The following SYNPO2 variants were observed in gnomAD, a reference collection of about 807,000 sequenced individuals.
SYNPO2 encodes the protein synaptopodin 2.
In SYNPO2, 56 loss-of-function variants were observed where a neutral mutation model predicts 85.0. The ratio of observed to expected loss-of-function variants is 0.66; its 90% CI spans 0.53 to 0.82. The LOEUF is 0.82. Ranked by LOEUF, SYNPO2 falls within the 40% of genes least tolerant of loss-of-function variation. SYNPO2 has a pLI of 0.00. For missense variants in SYNPO2, 1,575 were observed against 1,534.2 expected (o/e 1.03, Z -0.44); for synonymous variants, 602 against 591.1 (o/e 1.02, Z -0.27).
chr4:119,033,039 A>T, intron 4 of SYNPO2: 1 of 983,250 alleles, frequency 1.0e-6, no homozygotes, highest in Non-Finnish European at 1.2e-6. Flanking sequence ...AGTATACAGG[A>T]TAACGAAGTA....
chr4:118,960,635 C>T (rs148671029), intron 1 of SYNPO2, among the ~76,000 whole-genome samples: 1,533 of 152,176 alleles, frequency 0.01, 23 homozygotes, highest in African/African-American at 0.034. Flanking sequence ...TGGACATCTC[C>T]GCTTGAATAT....
At chr4:118,887,941 T>C (rs1382744169), upstream of SYNPO2, among the ~76,000 whole-genome samples, 1 of 152,232 alleles carries the variant, frequency 6.6e-6, no homozygotes, top group African/African-American at 2.4e-5. Flanking sequence ...AAAACAAAAG[T>C]ATTATAGGAA....
At position 119,058,111 on chromosome 4, in the gene SYNPO2, TACAC is replaced by T. The variant is rs113611459; in HGVS notation, c.*193_*196del. 5.9e-3 allele frequency: 2,600 copies of T among 440,404 alleles called. 9 individuals are homozygous for T. Among genetic ancestry groups the T allele is most frequent in the African/African-American group, 0.02 (980 of 48,558 alleles). 27.3% of individuals were successfully genotyped at this position (440,404 alleles called of 1,614,324 possible). A position where few individuals can be genotyped will look rare whatever the true frequency, so the allele number is the denominator to read the frequency against. ...GTGTGTGTGTGTATGTATGTGAATATACACACACACACACACACAGGTGAGTGTG... is the reference window on the plus strand; with the variant it reads ...GTGTGTGTGTGTATGTATGTGAATATACACACACACACACAGGTGAGTGTG... On this transcript the variant is annotated 3_prime_UTR_variant, in exon 5 of 5. Coordinates refer to ENST00000307142, the MANE Select transcript of SYNPO2 (RefSeq NM_133477.3).
chr4:119,047,224 C>T (rs1422533551), intron 4 of SYNPO2, among the ~76,000 whole-genome samples: 2 of 152,164 alleles, frequency 1.3e-5, no homozygotes, highest in Non-Finnish European at 1.5e-5. Flanking sequence ...CCATGCCCGA[C>T]TAATTTTGTA....
intron 1 of SYNPO2, among the ~76,000 whole-genome samples, chr4:119,014,964 GT>G (rs1737472186): frequency 6.6e-6 from 1 of 152,158 alleles, no homozygotes; most frequent in Non-Finnish European, 1.5e-5. Context: ...TACAGTAAAT[GT>G]TCAGTGCAGT....
chr4:118,977,554 G>A (rs1419127367), intron 1 of SYNPO2, among the ~76,000 whole-genome samples: 3 of 152,240 alleles, frequency 2.0e-5, no homozygotes, highest in African/African-American at 7.2e-5. Flanking sequence ...CCCAGGCAGG[G>A]GAGGTGCCGA....
At chr4:118,998,877 A>G (rs1736719601) in intron 1 of SYNPO2, among the ~76,000 whole-genome samples, 1 of 148,994 alleles carries the variant, frequency 6.7e-6, no homozygotes, top group African/African-American at 2.5e-5. Flanking sequence ...TCTCTCTCTT[A>G]CTCTGTTTTT....
At chr4:119,028,568 A>G (rs1007349577) in intron 3 of SYNPO2, among the ~76,000 whole-genome samples, 4 of 152,156 alleles carry the variant, frequency 2.6e-5, no homozygotes, top group South Asian at 2.1e-4. Flanking sequence ...TGTCAATTTA[A>G]TAAGTTGTAT....
intron 1 of SYNPO2, among the ~76,000 whole-genome samples, chr4:118,990,882 T>G (rs541008499): frequency 2.6e-5 from 4 of 152,156 alleles, no homozygotes; most frequent in South Asian, 4.2e-4. Flanking sequence ...AGTGCTGGGA[T>G]TACAGGTGTG....
At chr4:118,866,087 A>G (rs1350380820) in intron 1 of SYNPO2, among the ~76,000 whole-genome samples, 1 of 152,226 alleles carries the variant, frequency 6.6e-6, no homozygotes, top group Non-Finnish European at 1.5e-5. Context: ...AAAGTCAGGA[A>G]TAAGAATTAT....
At chr4:118,993,227 T>G (rs1736474596) in intron 1 of SYNPO2, among the ~76,000 whole-genome samples, 2 of 152,164 alleles carry the variant, frequency 1.3e-5, no homozygotes, top group Admixed American at 6.5e-5. Context: ...TTTGTGTGTG[T>G]TTGTGTGCAC....
intron 1 of SYNPO2, among the ~76,000 whole-genome samples, chr4:118,994,495 G>T (rs1736517519): frequency 6.6e-6 from 1 of 152,240 alleles, no homozygotes; most frequent in South Asian, 2.1e-4. Context: ...GAGAGATGGA[G>T]TGACAATTGG....
intron 1 of SYNPO2, among the ~76,000 whole-genome samples, chr4:118,934,251 T>C (rs768713840): frequency 6.6e-6 from 1 of 152,286 alleles, no homozygotes; most frequent in East Asian, 1.9e-4. Context: ...GAAAAGTCCA[T>C]TGGGACACCT....
chr4:119,026,560 C>A, intron 2 of SYNPO2, 67 bp from the exon 3 acceptor site: 1 of 1,481,852 alleles, frequency 6.7e-7, no homozygotes. Context: ...ACAAAAGTGT[C>A]AGGAAGTTCT....
chr4:119,030,784 G>A lies in SYNPO2; in HGVS notation c.2009G>A (p.Arg670Gln). The change falls in exon 4 of 5, where the codon CGA (arginine) becomes CAA (glutamine). Residue 670 changes from arginine to glutamine, a missense_variant. Coordinates refer to ENST00000307142, the MANE Select transcript of SYNPO2 (RefSeq NM_133477.3). ...GATTCGTCTGAGCGAATAGCTTCCC[G>A]AGATGAGAGGATCTCAGTGCCAGCA... ...FYDSSERIAS[R>Q]DERISVPAKR... is the part of the protein sequence containing the mutation. 6.2e-7 allele frequency: 1 copy of A among 1,614,122 alleles called. No homozygotes were observed. The highest frequency in any genetic ancestry group is 8.5e-7 in the Non-Finnish European group (1 of 1,180,036).
At chr4:118,946,004 G>A (rs62327798) in intron 1 of SYNPO2, among the ~76,000 whole-genome samples, 15,344 of 152,056 alleles carry the variant, frequency 0.1, 873 homozygotes, top group East Asian at 0.16. Flanking sequence ...TCGGCCTCCC[G>A]AAGTGCTGGG....
intron 1 of SYNPO2, among the ~76,000 whole-genome samples, chr4:118,982,202 G>A (rs1177763269): frequency 3.3e-5 from 5 of 151,930 alleles, no homozygotes; most frequent in African/African-American, 4.8e-5. Context: ...TGAGGCAGGC[G>A]CGCTGTAAAC....
Position 119,057,446 on chromosome 4 carries a change from C to T in SYNPO2, c.3298C>T (p.Pro1100Ser). The T allele has an allele frequency of 1.9e-6, 3 of 1,613,288 alleles. No individual in the cohort carries two copies. The highest frequency in any genetic ancestry group is 2.2e-5 in the South Asian group (2 of 90,836). Residue 1100 changes from proline (P) to serine (S), a missense_variant, in exon 5 of 5, where the codon CCC (proline) becomes TCC (serine). Physicochemically the swap from Pro to Ser is moderately conservative, Grantham distance 74. Coordinates refer to ENST00000307142, the MANE Select transcript of SYNPO2 (RefSeq NM_133477.3). ...TCTTCCTGGAAGATCAGTCCCACCC[C>T]CCATTTCTACATCTCCTTGGGTATA... is the stretch of plus-strand genomic sequence containing the variant. Reference protein sequence around the residue: ...LSLPGRSVPPPISTSPWVYQP... With the variant: ...LSLPGRSVPPSISTSPWVYQP...
intron 1 of SYNPO2, among the ~76,000 whole-genome samples, chr4:118,975,312 G>A (rs1258178696): frequency 2.6e-5 from 4 of 152,206 alleles, no homozygotes; most frequent in Non-Finnish European, 4.4e-5. Flanking sequence ...TAATCAACAA[G>A]TAGAATAGAG....
Sources: allele counts gnomAD v4.1 joint callset (sites outside exome capture counted in the v4.1 genomes callset), GRCh38; gene constraint gnomAD v4.1.1; transcripts MANE v1.5; gene names NCBI Gene and HGNC (gene_info 2026-07-23, HGNC 2026-07-21).